The following SORCS2 variants were observed in gnomAD, a reference collection of about 807,000 sequenced individuals.
The protein encoded by SORCS2 is sortilin related VPS10 domain containing receptor 2.
SORCS2 carries 100 observed loss-of-function variants against 141.6 expected under a neutral mutation model. That is an observed-to-expected ratio of 0.71 (90% CI 0.60 to 0.83). The LOEUF (loss-of-function observed/expected upper bound fraction) is 0.83, where lower values mean the gene tolerates loss of function less well. Among genes scored for constraint, SORCS2 ranks in the 40% least tolerant of loss-of-function variants. The pLI, the probability that SORCS2 is intolerant of heterozygous loss-of-function variation, is 0.00. For missense variants in SORCS2, 1,646 were observed against 1,560.2 expected (o/e 1.05, Z -0.93); for synonymous variants, 789 against 676.9 (o/e 1.17, Z -2.57).
chr4:7,647,295 T>G (rs537969911), intron 4 of SORCS2, among the ~76,000 whole-genome samples: 79 of 152,280 alleles, frequency 5.2e-4, no homozygotes, highest in South Asian at 4.6e-3. Context: ...GCTTTCTCCA[T>G]GCATGTGGCA....
intron 2 of SORCS2, among the ~76,000 whole-genome samples, chr4:7,451,945 G>T (rs187655058): frequency 6.6e-6 from 1 of 152,176 alleles, no homozygotes; most frequent in East Asian, 1.9e-4. Context: ...AGGTGCTTGC[G>T]CGAGTGCACA....
chr4:7,443,562 A>G (rs565323375), intron 2 of SORCS2, among the ~76,000 whole-genome samples: 1 of 152,026 alleles, frequency 6.6e-6, no homozygotes, highest in African/African-American at 2.4e-5. Context: ...AGTGGCCCCA[A>G]CTCCAGACAT....
intron 2 of SORCS2, among the ~76,000 whole-genome samples, chr4:7,426,185 G>A (rs960937994): frequency 6.6e-6 from 1 of 152,224 alleles, no homozygotes; most frequent in Admixed American, 6.5e-5. Context: ...CGGGAGTTGC[G>A]GGCCAGGGCC....
intron 3 of SORCS2, among the ~76,000 whole-genome samples, chr4:7,598,840 C>A (rs913210280): frequency 2.6e-5 from 4 of 152,208 alleles, no homozygotes; most frequent in African/African-American, 7.2e-5. Context: ...GTTCTCCCCC[C>A]CAGGCTGTGC....
chr4:7,695,838 G>A (rs959276879), intron 11 of SORCS2, among the ~76,000 whole-genome samples: 1 of 122,138 alleles, frequency 8.2e-6, no homozygotes, highest in Non-Finnish European at 1.8e-5. Context: ...ATTGGTGGGT[G>A]GGTGGATGGA....
intron 1 of SORCS2, among the ~76,000 whole-genome samples, chr4:7,364,477 G>C (rs1721763875): frequency 6.6e-6 from 1 of 152,290 alleles, no homozygotes; most frequent in Admixed American, 6.5e-5. Context: ...GGTGGCAGTG[G>C]GCAGCTGTGG....
intron 8 of SORCS2, among the ~76,000 whole-genome samples, chr4:7,671,302 C>T (rs913341068): frequency 7.9e-5 from 12 of 151,240 alleles, no homozygotes; most frequent in East Asian, 7.8e-4. Context: ...AAAAAAGTTA[C>T]GAGGCATACA....
intron 1 of SORCS2, among the ~76,000 whole-genome samples, chr4:7,374,597 A>G (rs900088329): frequency 6.6e-6 from 1 of 152,132 alleles, no homozygotes; most frequent in Non-Finnish European, 1.5e-5. Context: ...TGTCTGTGCC[A>G]CGTCCAGGCC....
chr4:7,736,267 C>T (rs186579928), intron 25 of SORCS2, among the ~76,000 whole-genome samples: 2 of 152,344 alleles, frequency 1.3e-5, no homozygotes, highest in East Asian at 1.9e-4. Flanking sequence ...GAGGCAGCAG[C>T]GCTGCTTTGA....
At chr4:7,731,726 C>T (rs1711704082) in intron 23 of SORCS2, among the ~76,000 whole-genome samples, 1 of 152,150 alleles carries the variant, frequency 6.6e-6, no homozygotes. Flanking sequence ...GAGAATATCT[C>T]CCATAAATAT....
intron 1 of SORCS2, among the ~76,000 whole-genome samples, chr4:7,371,252 C>T (rs373233780): frequency 2.6e-5 from 4 of 152,096 alleles, no homozygotes; most frequent in Non-Finnish European, 5.9e-5. Flanking sequence ...CTGAGAGCAT[C>T]GGGCCCGTCC....
chr4:7,691,976 T>C (rs1451886563), intron 11 of SORCS2, among the ~76,000 whole-genome samples: 1 of 151,116 alleles, frequency 6.6e-6, no homozygotes, highest in African/African-American at 2.4e-5. Context: ...AGTCACAGCC[T>C]TCCTCCCTCC....
At chr4:7,364,971 C>T (rs1168006597) in intron 1 of SORCS2, among the ~76,000 whole-genome samples, 1 of 152,240 alleles carries the variant, frequency 6.6e-6, no homozygotes, top group African/African-American at 2.4e-5. Context: ...TTTGTGTCTC[C>T]AGGATCTCAT....
At chr4:7,217,458 AG>A (rs771300654) in intron 1 of SORCS2, among the ~76,000 whole-genome samples, 1 of 152,206 alleles carries the variant, frequency 6.6e-6, no homozygotes, top group Admixed American at 6.5e-5. Flanking sequence ...TGCTGGTTCC[AG>A]GGGCCAGAGC....
At chr4:7,691,783 G>A (rs1158940546) in intron 11 of SORCS2, among the ~76,000 whole-genome samples, 3 of 151,882 alleles carry the variant, frequency 2.0e-5, no homozygotes, top group Non-Finnish European at 4.4e-5. Flanking sequence ...GTCTTGATTC[G>A]CTGAAACCCC....
chr4:7,363,522 G>A (rs1429981293), intron 1 of SORCS2, among the ~76,000 whole-genome samples: 1 of 61,792 alleles, frequency 1.6e-5, no homozygotes. Context: ...CACCACCATT[G>A]TGGTGTATCA....
At chr4:7,680,936 G>T (rs1723488639) in intron 9 of SORCS2, among the ~76,000 whole-genome samples, 1 of 152,218 alleles carries the variant, frequency 6.6e-6, no homozygotes. Flanking sequence ...CAGATAATTT[G>T]TTTGCTAGTT....
chr4:7,608,147 A>G (rs563644489), intron 3 of SORCS2, among the ~76,000 whole-genome samples: 6 of 152,224 alleles, frequency 3.9e-5, no homozygotes, highest in South Asian at 4.2e-4. Flanking sequence ...GTCCCACCAG[A>G]GCAGGAGTGT....
At chr4:7,294,120 A>C (rs979676168) in intron 1 of SORCS2, among the ~76,000 whole-genome samples, 1 of 152,182 alleles carries the variant, frequency 6.6e-6, no homozygotes, top group African/African-American at 2.4e-5. Flanking sequence ...GCTTCTGGTT[A>C]GTTACGTCTC....
Sources: gnomAD v4.1 joint callset for allele counts (sites outside exome capture counted in the v4.1 genomes callset) on GRCh38, gnomAD v4.1.1 for gene constraint, MANE v1.5 for transcripts, NCBI Gene and HGNC (gene_info 2026-07-23, HGNC 2026-07-21) for gene names.